RSRC1: variants seen among roughly 807,000 people sequenced by gnomAD.
The protein encoded by RSRC1 is serine/Arginine-related protein 53.
A neutral mutation model predicts 49.1 loss-of-function variants in RSRC1; 39 were observed. That is an observed-to-expected ratio of 0.79 (90% CI 0.61 to 1.04). RSRC1 has a LOEUF of 1.04. Ranked by LOEUF, RSRC1 falls within the 50% of genes least tolerant of loss-of-function variation. The pLI is 0.00. For synonymous variants in RSRC1, 143 were observed against 130.8 expected, an observed-to-expected ratio of 1.09 and a Z score of -0.63; for missense variants, 388 against 402.4, an observed-to-expected ratio of 0.96 and a Z score of 0.31.
chr3:158,524,954 C>T (rs1711916065), intron 7 of RSRC1, among the ~76,000 whole-genome samples: 1 of 151,798 alleles, frequency 6.6e-6, no homozygotes, highest in Admixed American at 6.6e-5. Context: ...TATTATAAAC[C>T]TAATTATAAA....
intron 5 of RSRC1, among the ~76,000 whole-genome samples, chr3:158,315,539 A>G (rs1728382351): frequency 6.6e-6 from 1 of 152,220 alleles, no homozygotes; most frequent in African/African-American, 2.4e-5. Context: ...AGCAGGCTCC[A>G]GAGCCCATGA....
chr3:158,376,860 T>C (rs1000231845), intron 6 of RSRC1, among the ~76,000 whole-genome samples: 18 of 35,552 alleles, frequency 5.1e-4, no homozygotes, highest in African/African-American at 2.8e-3. Flanking sequence ...TTCTTTTACA[T>C]TTTTTTAGAC....
intron 7 of RSRC1, among the ~76,000 whole-genome samples, chr3:158,506,748 A>C (rs751033206): frequency 6.6e-6 from 1 of 151,638 alleles, no homozygotes; most frequent in African/African-American, 2.4e-5. Flanking sequence ...TATAGCCACT[A>C]TGGAAACCAG....
intron 4 of RSRC1, among the ~76,000 whole-genome samples, chr3:158,280,554 T>C (rs151281530): frequency 1.3e-5 from 2 of 151,606 alleles, no homozygotes; most frequent in African/African-American, 4.8e-5. Context: ...ATAATGTTTA[T>C]GTGTGTGTGT....
chr3:158,158,338 TG>T (rs1429833161), intron 3 of RSRC1, among the ~76,000 whole-genome samples: 1 of 152,154 alleles, frequency 6.6e-6, no homozygotes, highest in African/African-American at 2.4e-5. Context: ...GGGCTGACTG[TG>T]GGACTTGAGT....
At chr3:158,197,632 A>G (rs1030603319) in intron 3 of RSRC1, among the ~76,000 whole-genome samples, 20 of 151,928 alleles carry the variant, frequency 1.3e-4, no homozygotes, top group African/African-American at 4.3e-4. Context: ...GGCATTTAGT[A>G]CTATAAATTT....
intron 6 of RSRC1, among the ~76,000 whole-genome samples, chr3:158,454,665 A>G (rs951107027): frequency 1.1e-4 from 16 of 152,058 alleles, no homozygotes; most frequent in South Asian, 6.2e-4. Context: ...TTATTAACCA[A>G]TTCCTCTACT....
At chr3:158,171,435 T>C (rs538979996) in intron 3 of RSRC1, among the ~76,000 whole-genome samples, 6 of 152,264 alleles carry the variant, frequency 3.9e-5, no homozygotes, top group African/African-American at 1.4e-4. Flanking sequence ...ATTGGAACTA[T>C]TAGATGATGA....
At chr3:158,435,254 G>A (rs983767166) in intron 6 of RSRC1, among the ~76,000 whole-genome samples, 31 of 151,628 alleles carry the variant, frequency 2.0e-4, no homozygotes, top group Admixed American at 2.0e-3. Flanking sequence ...GCATTCTGCT[G>A]CTTAACTTGT....
At chr3:158,359,425 T>G (rs771765992) in intron 6 of RSRC1, among the ~76,000 whole-genome samples, 1 of 152,202 alleles carries the variant, frequency 6.6e-6, no homozygotes, top group Non-Finnish European at 1.5e-5. Flanking sequence ...TAGACACCAC[T>G]GCTAGATGAT....
intron 3 of RSRC1, among the ~76,000 whole-genome samples, chr3:158,154,611 C>T (rs768779960): frequency 6.6e-6 from 1 of 151,900 alleles, no homozygotes; most frequent in African/African-American, 2.4e-5. Flanking sequence ...ACTACAGGCT[C>T]ATGCCACCAT....
At chr3:158,326,105 C>T (rs140845788) in intron 5 of RSRC1, among the ~76,000 whole-genome samples, 33,067 of 152,080 alleles carry the variant, frequency 0.22, 4,178 homozygotes, top group Non-Finnish European at 0.29. Flanking sequence ...GCTGAAGTTG[C>T]TTATCAGCTT....
At chr3:158,480,630 T>G (rs1738571819) in intron 7 of RSRC1, among the ~76,000 whole-genome samples, 1 of 152,072 alleles carries the variant, frequency 6.6e-6, no homozygotes, top group Non-Finnish European at 1.5e-5. Flanking sequence ...CATATTCAGT[T>G]GTGCATGTTA....
intron 6 of RSRC1, among the ~76,000 whole-genome samples, chr3:158,441,481 C>T (rs2108374355): frequency 6.6e-6 from 1 of 151,908 alleles, no homozygotes; most frequent in East Asian, 1.9e-4. Flanking sequence ...AAGAATATTC[C>T]TGCATCCTGG....
intron 5 of RSRC1, among the ~76,000 whole-genome samples, chr3:158,311,258 GT>G (rs1226934689): frequency 2.6e-5 from 4 of 151,876 alleles, no homozygotes; most frequent in Non-Finnish European, 5.9e-5. Flanking sequence ...TTAAACTCAT[GT>G]TTGTACTGCT....
At chr3:158,400,408 T>C (rs757782504) in intron 6 of RSRC1, among the ~76,000 whole-genome samples, 6 of 151,428 alleles carry the variant, frequency 4.0e-5, no homozygotes, top group Non-Finnish European at 7.4e-5. Context: ...GAGTGTTCAC[T>C]TTCTGTGTAT....
intron 3 of RSRC1, among the ~76,000 whole-genome samples, chr3:158,131,224 C>T (rs1716002650): frequency 6.6e-6 from 1 of 150,884 alleles, no homozygotes; most frequent in African/African-American, 2.4e-5. Flanking sequence ...TTGTGGTTGC[C>T]TTTTATAAGA....
chr3:158,254,605 G>C (rs1271563022), intron 4 of RSRC1, among the ~76,000 whole-genome samples: 1 of 151,962 alleles, frequency 6.6e-6, no homozygotes, highest in South Asian at 2.1e-4. Context: ...CTAATTTTTT[G>C]TATTTTTTAG....
At chr3:158,410,168 T>G (rs1284888032) in intron 6 of RSRC1, among the ~76,000 whole-genome samples, 4 of 152,182 alleles carry the variant, frequency 2.6e-5, no homozygotes, top group African/African-American at 9.6e-5. Context: ...CAGCTATTTG[T>G]TGTTACCTAC....
Sources: gnomAD v4.1 joint callset for allele counts (sites outside exome capture counted in the v4.1 genomes callset) on GRCh38, gnomAD v4.1.1 for gene constraint, MANE v1.5 for transcripts, NCBI Gene and HGNC (gene_info 2026-07-23, HGNC 2026-07-21) for gene names.